KIF16B: variants seen among roughly 807,000 people sequenced by gnomAD.
KIF16B encodes the protein kinesin-like protein KIF16B.
KIF16B carries 98 observed loss-of-function variants against 156.3 expected under a neutral mutation model. That is an observed-to-expected ratio of 0.63 (90% CI 0.53 to 0.74). The LOEUF (loss-of-function observed/expected upper bound fraction) is 0.74. Among genes scored for constraint, KIF16B ranks in the 30% least tolerant of loss-of-function variants. The pLI, the probability that KIF16B is intolerant of heterozygous loss-of-function variation, is 0.00. For missense variants in KIF16B, 1,421 were observed against 1,606.5 expected (o/e 0.88, Z 1.97); for synonymous variants, 564 against 583.7 (o/e 0.97, Z 0.49).
At chr20:16,540,084 G>A (rs2070135269) in intron 1 of KIF16B, among the ~76,000 whole-genome samples, 1 of 152,176 alleles carries the variant, frequency 6.6e-6, no homozygotes, top group Admixed American at 6.5e-5. Flanking sequence ...AATAATACAT[G>A]AGCTCCATGT....
At chr20:16,401,986 G>C (rs1253098431) in intron 17 of KIF16B, among the ~76,000 whole-genome samples, 1 of 152,132 alleles carries the variant, frequency 6.6e-6, no homozygotes, top group Non-Finnish European at 1.5e-5. Flanking sequence ...TTAAAAAACA[G>C]TCAAACCCCT....
chr20:16,500,431 G>A, intron 10 of KIF16B, among the ~76,000 whole-genome samples: 1 of 151,962 alleles, frequency 6.6e-6, no homozygotes, highest in Non-Finnish European at 1.5e-5. Context: ...GGTCTGTATT[G>A]GTTAGAGCAA....
chr20:16,403,362 G>C (rs1412958376), intron 17 of KIF16B, among the ~76,000 whole-genome samples: 1 of 152,170 alleles, frequency 6.6e-6, no homozygotes, highest in East Asian at 1.9e-4. Flanking sequence ...ACTACTGTAA[G>C]GAATTAAAGA....
chr20:16,287,739 A>G (rs1010665178), intron 25 of KIF16B, among the ~76,000 whole-genome samples: 1 of 152,224 alleles, frequency 6.6e-6, no homozygotes, highest in Non-Finnish European at 1.5e-5. Flanking sequence ...CCTGGCAGCA[A>G]GCTTCTGGGG....
chr20:16,291,031 A>T (rs754970724), intron 25 of KIF16B, among the ~76,000 whole-genome samples: 1 of 152,232 alleles, frequency 6.6e-6, no homozygotes, highest in African/African-American at 2.4e-5. Context: ...AACCAAAAGT[A>T]TATACATTGA....
intron 4 of KIF16B, among the ~76,000 whole-genome samples, chr20:16,514,501 A>G (rs2069065585): frequency 6.6e-6 from 1 of 150,946 alleles, no homozygotes; most frequent in East Asian, 2.0e-4. Flanking sequence ...GAAGCCCTCA[A>G]TCATCTTCCA....
At chr20:16,468,831 C>G (rs1479689267) in intron 12 of KIF16B, among the ~76,000 whole-genome samples, 1 of 152,044 alleles carries the variant, frequency 6.6e-6, no homozygotes, top group Non-Finnish European at 1.5e-5. Flanking sequence ...ACAGTACTGT[C>G]AATTAAGGGA....
chr20:16,407,185 A>G (rs2065807857), intron 15 of KIF16B, among the ~76,000 whole-genome samples: 2 of 152,140 alleles, frequency 1.3e-5, no homozygotes, highest in South Asian at 2.1e-4. Flanking sequence ...GAAGCAAACA[A>G]ACCCATTTTA....
chr20:16,412,989 A>G (rs2065996671), intron 15 of KIF16B, among the ~76,000 whole-genome samples: 1 of 151,976 alleles, frequency 6.6e-6, no homozygotes, highest in East Asian at 1.9e-4. Context: ...GTTAAGGACA[A>G]GTCAGTGCTT....
intron 17 of KIF16B, among the ~76,000 whole-genome samples, chr20:16,396,106 C>T (rs148588410): frequency 6.6e-5 from 10 of 152,230 alleles, no homozygotes; most frequent in Non-Finnish European, 1.3e-4. Flanking sequence ...TACCACTAGA[C>T]GTTAAATAAG....
chr20:16,498,849 G>A (rs201423995), intron 10 of KIF16B, among the ~76,000 whole-genome samples: 1 of 96,274 alleles, frequency 1.0e-5, no homozygotes, highest in Admixed American at 1.0e-4. Flanking sequence ...AGAGACTGTA[G>A]CATTTTTTTA....
chr20:16,556,740 C>G (rs1239371175), intron 1 of KIF16B, among the ~76,000 whole-genome samples: 1 of 152,220 alleles, frequency 6.6e-6, no homozygotes, highest in African/African-American at 2.4e-5. Flanking sequence ...TCTGCACTGG[C>G]TGTTACTTCT....
At chr20:16,423,977 A>G (rs751848955) in intron 15 of KIF16B, among the ~76,000 whole-genome samples, 9 of 152,058 alleles carry the variant, frequency 5.9e-5, no homozygotes, top group African/African-American at 9.7e-5. Context: ...CTGCCAACCA[A>G]TTATGGTCAC....
intron 1 of KIF16B, among the ~76,000 whole-genome samples, chr20:16,534,599 T>C (rs899499915): frequency 3.3e-5 from 5 of 152,244 alleles, no homozygotes; most frequent in Admixed American, 3.3e-4. Context: ...AACAATGTCC[T>C]GAAGAGCTTT....
In KIF16B at chr20:16,356,331, T is replaced by C; in HGVS notation, c.3620A>G (p.Lys1207Arg). The change falls in exon 23 of 26, where the codon AAG becomes AGG. Residue 1207 changes from lysine (K) to arginine (R), a missense_variant and splice_region_variant. Lys to Arg is a conservative substitution (Grantham distance 26). Transcript: ENST00000354981. ...GKDAHFEFEV[K>R]ITVLDETWTV... ...CAGAAGAGTCAAGAAGACACTCACC[T>C]TGACCTCAAACTCGAAGTGTGCATC... The C allele has an allele frequency of 6.2e-7, 1 of 1,614,108 alleles. No individual in the cohort carries two copies. Among genetic ancestry groups the C allele is most frequent in the Non-Finnish European group, 8.5e-7 (1 of 1,179,952 alleles).
At chr20:16,376,059 C>G (rs982881858) in intron 19 of KIF16B, among the ~76,000 whole-genome samples, 2 of 152,194 alleles carry the variant, frequency 1.3e-5, no homozygotes, top group Non-Finnish European at 1.5e-5. Flanking sequence ...AAACTGTAGA[C>G]GATGGCACCC....
intron 17 of KIF16B, among the ~76,000 whole-genome samples, chr20:16,386,361 T>C (rs1385458189): frequency 6.6e-6 from 1 of 151,910 alleles, no homozygotes; most frequent in East Asian, 1.9e-4. Flanking sequence ...AACCCAGGAA[T>C]GCCAAGTAAA....
In KIF16B at chr20:16,379,334, G is replaced by C. The variant is rs1396907684; in HGVS notation, c.2668C>G (p.Gln890Glu). Reference protein sequence around the residue: ...ESVTDVTEVPQDFEKIKPVEY... With the variant: ...ESVTDVTEVPEDFEKIKPVEY... ...ACTGGCTTTATTTTCTCGAAATCTTGAGGCACTTCCGTGACATCTGTGACA... is the reference window on the plus strand; with the variant it reads ...ACTGGCTTTATTTTCTCGAAATCTTCAGGCACTTCCGTGACATCTGTGACA... Residue 890 changes from glutamine (Q) to glutamate (E), a missense_variant, in exon 19 of 26, where the codon CAA becomes GAA. Coordinates refer to ENST00000354981, the MANE Select transcript of KIF16B (RefSeq NM_024704.5). The C allele has an allele frequency of 1.9e-6, 3 of 1,606,244 alleles. No individual in the cohort carries two copies. Among genetic ancestry groups the C allele is most frequent in the South Asian group, 1.1e-5 (1 of 89,692 alleles).
intron 17 of KIF16B, among the ~76,000 whole-genome samples, chr20:16,391,781 C>T (rs942442875): frequency 6.6e-6 from 1 of 152,174 alleles, no homozygotes; most frequent in Non-Finnish European, 1.5e-5. Context: ...CACTCAGGGC[C>T]TTTCAGGTCA....
Sources: allele counts gnomAD v4.1 joint callset (sites outside exome capture counted in the v4.1 genomes callset), GRCh38; gene constraint gnomAD v4.1.1; transcripts MANE v1.5; gene names NCBI Gene and HGNC (gene_info 2026-07-23, HGNC 2026-07-21).